Variants in PVT1 observed in about 807,000 individuals in gnomAD.
The protein encoded by PVT1 is CXCR4/PVT1 fusion.
rs75763119 is a variant in PVT1, at chr8:128,012,364, A to G, written n.912+23073A>G. Among the ~76,000 whole-genome samples, 193 of 152,258 alleles carry G rather than the reference A, an allele frequency of 1.3e-3. 5 individuals carry two copies. The East Asian group carries it at 0.03, about 24-fold the overall frequency. ...GCTGATGTTTTTCTGTTTGTTTTGC[A>G]TTTTGGTAAATTCATCAACATCAAT... On this transcript the variant is annotated intron_variant and non_coding_transcript_variant, in intron 4 of 10. Transcript: ENST00000651587.
At chr8:128,053,094 G>A (rs1202306836) in intron 4 of PVT1, among the ~76,000 whole-genome samples, 2 of 152,202 alleles carry the variant, frequency 1.3e-5, no homozygotes. Flanking sequence ...TGCAGTTTGT[G>A]CTCTGGGCAC....
chr8:128,041,630 G>A (rs1169120889), intron 4 of PVT1, among the ~76,000 whole-genome samples: 2 of 147,054 alleles, frequency 1.4e-5, no homozygotes, highest in Non-Finnish European at 3.0e-5. Flanking sequence ...TGTGTGTTGT[G>A]TGCATGTGTG....
intron 4 of PVT1, among the ~76,000 whole-genome samples, chr8:128,000,744 T>G (rs2130016817): frequency 6.6e-6 from 1 of 152,212 alleles, no homozygotes; most frequent in African/African-American, 2.4e-5. Flanking sequence ...GGGCTTTTGT[T>G]GTTGTTGTTT....
At chr8:128,069,418 C>T (rs1019181954) in intron 4 of PVT1, among the ~76,000 whole-genome samples, 1 of 152,198 alleles carries the variant, frequency 6.6e-6, no homozygotes, top group African/African-American at 2.4e-5. Flanking sequence ...CAGCCTGACC[C>T]TCGCTGCTGT....
At chr8:127,988,068 A>T (rs4733813) in intron 3 of PVT1, among the ~76,000 whole-genome samples, 39,613 of 152,068 alleles carry the variant, frequency 0.26, 5,337 homozygotes, top group East Asian at 0.41. Flanking sequence ...AACACATCTA[A>T]GGAAGGAATA....
intron 2 of PVT1, among the ~76,000 whole-genome samples, chr8:127,838,148 C>T (rs1267491074): frequency 2.0e-5 from 3 of 152,028 alleles, no homozygotes; most frequent in Admixed American, 1.3e-4. Context: ...CCACCCACCT[C>T]GGCCTCCCAA....
intron 3 of PVT1, among the ~76,000 whole-genome samples, chr8:127,962,068 G>A (rs113643240): frequency 0.015 from 2,355 of 152,358 alleles, 73 homozygotes; most frequent in African/African-American, 0.054. Flanking sequence ...TCCGCCTCTG[G>A]GGTTCAAGCG....
intron 2 of PVT1, among the ~76,000 whole-genome samples, chr8:127,873,730 C>T (rs1241502751): frequency 2.0e-5 from 3 of 152,204 alleles, no homozygotes. Context: ...AGAGCCTGGG[C>T]TTCCCAGAGG....
chr8:127,864,756 G>C (rs1007337904), intron 2 of PVT1, among the ~76,000 whole-genome samples: 2 of 152,090 alleles, frequency 1.3e-5, no homozygotes, highest in Non-Finnish European at 2.9e-5. Flanking sequence ...CACCATGTTA[G>C]CCAGGATGGT....
intron 5 of PVT1, among the ~76,000 whole-genome samples, chr8:128,084,596 A>G (rs954560692): frequency 1.3e-5 from 2 of 152,256 alleles, no homozygotes; most frequent in Admixed American, 6.5e-5. Flanking sequence ...CAAGGAATCC[A>G]CAGAAACCAG....
intron 4 of PVT1, among the ~76,000 whole-genome samples, chr8:128,066,009 G>A (rs568305221): frequency 6.6e-6 from 1 of 152,346 alleles, no homozygotes; most frequent in East Asian, 1.9e-4. Context: ...AGGCATTTCA[G>A]TTAAGATATT....
chr8:127,970,534 C>T (rs6981683), intron 3 of PVT1, among the ~76,000 whole-genome samples: 58,712 of 151,494 alleles, frequency 0.39, 11,870 homozygotes, highest in East Asian at 0.6. Flanking sequence ...CTTCTGGCCT[C>T]GTGATCCGCC....
chr8:127,836,502 T>C (rs1209540258), intron 2 of PVT1, among the ~76,000 whole-genome samples: 7 of 152,074 alleles, frequency 4.6e-5, no homozygotes, highest in African/African-American at 7.2e-5. Context: ...GGCTGAACCA[T>C]GTAGTCTAAA....
At chr8:127,961,859 G>A (rs1586457326) in intron 3 of PVT1, among the ~76,000 whole-genome samples, 1 of 152,338 alleles carries the variant, frequency 6.6e-6, no homozygotes, top group African/African-American at 2.4e-5. Flanking sequence ...CTGACTCCTG[G>A]TTTCTGGCTT....
rs1445523934 is a variant in PVT1 at position 127,998,640 on chromosome 8, T to G, written n.912+9349T>G. Among the ~76,000 whole-genome samples, 18 of 147,110 alleles carry G rather than the reference T, an allele frequency of 1.2e-4. No individual in the cohort carries two copies. In the Admixed American group the frequency reaches 1.2e-3, roughly 10 times the overall value. On this transcript the variant is annotated intron_variant and non_coding_transcript_variant, in intron 4 of 10. Coordinates refer to ENST00000651587, the Ensembl canonical transcript of PVT1. ...CTTCCTCCCTCCCTCACTCCCTCCT[T>G]CCTTCCTTTTTCTTCCTTTTTTCCT... is the stretch of plus-strand genomic sequence containing the variant.
At chr8:127,854,228 C>T (rs1301509312) in intron 2 of PVT1, among the ~76,000 whole-genome samples, 1 of 152,232 alleles carries the variant, frequency 6.6e-6, no homozygotes, top group Admixed American at 6.5e-5. Flanking sequence ...CTGCGTAAGT[C>T]TCCGGCAGTG....
At chr8:128,040,975 T>C (rs1015739762) in intron 4 of PVT1, among the ~76,000 whole-genome samples, 1 of 147,580 alleles carries the variant, frequency 6.8e-6, no homozygotes, top group African/African-American at 2.5e-5. Context: ...GTGCATATGT[T>C]TGTGTGTGCT....
rs536804425 is a variant in PVT1, at chr8:127,888,063, C to T, written n.373-2526C>T. Among the ~76,000 whole-genome samples, 99 of 147,772 alleles carry T rather than the reference C, an allele frequency of 6.7e-4. No individual in the cohort carries two copies. The Middle Eastern group carries it at 0.014, about 21-fold the overall frequency. On this transcript the variant is annotated intron_variant and non_coding_transcript_variant, in intron 2 of 10. Transcript: ENST00000651587. Reference sequence around the variant, plus strand: ...TCAAGCCATTCTTCTGCCTTAGCCTCCTGAGTAGCTGTGATTACAGGTGTG... The same window carrying T: ...TCAAGCCATTCTTCTGCCTTAGCCTTCTGAGTAGCTGTGATTACAGGTGTG...
At chr8:127,910,832 C>G (rs1449226422) in intron 3 of PVT1, among the ~76,000 whole-genome samples, 1 of 151,970 alleles carries the variant, frequency 6.6e-6, no homozygotes, top group East Asian at 1.9e-4. Flanking sequence ...CCAGCCCCAA[C>G]AGTCTGGCTC....
Sources: gnomAD v4.1 joint callset for allele counts (sites outside exome capture counted in the v4.1 genomes callset) on GRCh38, gnomAD v4.1.1 for gene constraint, MANE v1.5 for transcripts, NCBI Gene and HGNC (gene_info 2026-07-23, HGNC 2026-07-21) for gene names.